Variants in FOCAD observed in about 807,000 individuals in gnomAD.
FOCAD encodes focadhesin.
FOCAD carries 198 observed loss-of-function variants against 225.6 expected under a neutral mutation model. The ratio of observed to expected loss-of-function variants is 0.88; its 90% confidence interval spans 0.78 to 0.99. The LOEUF (loss-of-function observed/expected upper bound fraction) is 0.99. Ranked by LOEUF, FOCAD falls within the 50% of genes least tolerant of loss-of-function variation. The pLI is 0.00. For synonymous variants in FOCAD, 897 were observed against 755.0 expected, an observed-to-expected ratio of 1.19 and a Z score of -3.08; for missense variants, 2,713 against 2,123.6, an observed-to-expected ratio of 1.28 and a Z score of -5.46.
chr9:20,663,822 T>A (rs1821814835), intron 2 of FOCAD, among the ~76,000 whole-genome samples: 1 of 152,362 alleles, frequency 6.6e-6, no homozygotes, highest in East Asian at 1.9e-4. Context: ...CCATCTCAAG[T>A]ATCCTTACAA....
At chr9:20,732,227 G>C (rs754767904) in intron 4 of FOCAD, among the ~76,000 whole-genome samples, 1 of 152,184 alleles carries the variant, frequency 6.6e-6, no homozygotes, top group Non-Finnish European at 1.5e-5. Flanking sequence ...TAATTGCCTA[G>C]TTATAGAAAC....
chr9:20,820,001 T>C lies in FOCAD; in HGVS notation c.1560+101T>C, dbSNP rs147018987. 2.9e-5 allele frequency: 19 copies of C among 650,966 alleles called. No individual in the cohort carries two copies. In the African/African-American group the frequency reaches 3.5e-4, roughly 12 times the overall value. 40.3% of individuals were successfully genotyped at this position (650,966 alleles called of 1,614,324 possible). ...AAATTTTAAGCCCTAAATTTTGCCA[T>C]AGTCACTACTTCTCTTGTTGAGCTA... On this transcript the variant is annotated intron_variant, in intron 12 of 43. Coordinates refer to ENST00000338382, the MANE Select transcript of FOCAD (RefSeq NM_001375567.1).
At chr9:20,920,772 A>G (rs182223471) in intron 24 of FOCAD, among the ~76,000 whole-genome samples, 3 of 151,114 alleles carry the variant, frequency 2.0e-5, no homozygotes, top group South Asian at 2.1e-4. Context: ...ATGAGAACAC[A>G]TGGACACAGG....
At chr9:20,693,773 C>G (rs541194027) in intron 1 of FOCAD, among the ~76,000 whole-genome samples, 2 of 152,286 alleles carry the variant, frequency 1.3e-5, no homozygotes, top group African/African-American at 4.8e-5. Flanking sequence ...TGCAGTGGCA[C>G]AATCTTGGCT....
In FOCAD at chr9:20,885,178, T is replaced by G; in HGVS notation, c.2573T>G (p.Met858Arg). The G allele has an allele frequency of 6.5e-7, 1 of 1,546,248 alleles. No homozygotes were observed. The highest frequency in any genetic ancestry group is 8.7e-7 in the Non-Finnish European group (1 of 1,143,558). The change falls in exon 21 of 44, where the codon ATG becomes AGG. Residue 858 changes from methionine (M) to arginine (R), a missense_variant. Transcript: ENST00000338382. ...GATGGAAAACCATTGAACAGACTGA[T>G]GGCCAGCAGAGGGCGAAGTTTCAAG... ...SKDGKPLNRLMASRGRSFKQT... is the reference protein window; with the variant it reads ...SKDGKPLNRLRASRGRSFKQT...
In FOCAD at chr9:20,965,362, A is replaced by G. The variant is rs77921716; in HGVS notation, c.4133-11058A>G. 8.8e-3 allele frequency among the ~76,000 whole-genome samples: 1,342 copies of G among 152,296 alleles called. 10 individuals are homozygous for G. Among genetic ancestry groups the G allele is most frequent in the Non-Finnish European group, 0.015 (1,032 of 68,024 alleles). On this transcript the variant is annotated intron_variant, in intron 35 of 43. Coordinates refer to ENST00000338382, the MANE Select transcript of FOCAD (RefSeq NM_001375567.1). ...GGATTCTTTGGTTTCACAGAAATCC[A>G]AAGACAGAAACTTTGTTTTTGGGAG...
chr9:20,660,291 A>G lies in FOCAD; in HGVS notation c.-78+1465A>G, dbSNP rs115413642. Among the ~76,000 whole-genome samples the G allele has an allele frequency of 3.4e-3, 524 of 152,344 alleles. 4 individuals carry two copies. The highest frequency in any genetic ancestry group is 0.012 in the African/African-American group (502 of 41,584). ...CCTTTGGATGTCACATATCCTTACA[A>G]TGACCTATGGTGTAGAAACTACTGT... On this transcript the variant is annotated intron_variant, in intron 2 of 45. Coordinates refer to the FOCAD transcript ENST00000380249.
rs1378639215 is a variant in FOCAD at position 20,765,079 on chromosome 9, G to T, written c.699+6G>T. ...ACATAGTTCCATGTTTGCAGGTAAG[G>T]TCTTTGTCCTCCTCCACAAATATAG... On this transcript the variant is annotated splice_donor_region_variant and intron_variant, in intron 7 of 43. Coordinates refer to ENST00000338382, the MANE Select transcript of FOCAD (RefSeq NM_001375567.1). 1 of 1,609,434 alleles carries T rather than the reference G, an allele frequency of 6.2e-7. No individual in the cohort carries two copies. Among genetic ancestry groups the T allele is most frequent in the East Asian group, 2.2e-5 (1 of 44,818 alleles).
chr9:20,664,656 T>TC (rs1438871820), intron 2 of FOCAD, among the ~76,000 whole-genome samples: 2 of 150,418 alleles, frequency 1.3e-5, no homozygotes, highest in African/African-American at 4.9e-5. Flanking sequence ...TTTTTTTTTT[T>TC]CTCATGGAGA....
intron 15 of FOCAD, among the ~76,000 whole-genome samples, chr9:20,839,784 T>C (rs986210692): frequency 3.3e-5 from 5 of 152,092 alleles, no homozygotes; most frequent in African/African-American, 1.2e-4. Context: ...CAAGCATTTA[T>C]CATTTCTTTG....
At chr9:20,876,664 A>G (rs1293317265) in intron 19 of FOCAD, among the ~76,000 whole-genome samples, 3 of 152,218 alleles carry the variant, frequency 2.0e-5, no homozygotes, top group African/African-American at 4.8e-5. Flanking sequence ...AACTGTCACC[A>G]TGGACATTTT....
At chr9:20,940,354 A>G (rs905471854) in intron 28 of FOCAD, among the ~76,000 whole-genome samples, 3 of 148,934 alleles carry the variant, frequency 2.0e-5, no homozygotes, top group African/African-American at 7.5e-5. Flanking sequence ...TACCACAATC[A>G]TGGCTTACTG....
intron 11 of FOCAD, among the ~76,000 whole-genome samples, chr9:20,798,394 A>G (rs959175838): frequency 6.6e-5 from 10 of 151,964 alleles, no homozygotes; most frequent in African/African-American, 1.2e-4. Flanking sequence ...CTCTTTTTCT[A>G]TTGATTGGAA....
intron 15 of FOCAD, among the ~76,000 whole-genome samples, chr9:20,834,401 A>G (rs887453164): frequency 6.6e-6 from 1 of 152,044 alleles, no homozygotes; most frequent in African/African-American, 2.4e-5. Flanking sequence ...GCACACGTTT[A>G]CTTACGTAGC....
intron 8 of FOCAD, among the ~76,000 whole-genome samples, chr9:20,774,189 G>A (rs1281901204): frequency 6.6e-6 from 1 of 152,018 alleles, no homozygotes; most frequent in Non-Finnish European, 1.5e-5. Context: ...ACCAGCCCCT[G>A]GTGCAAAAAA....
chr9:20,919,801 G>A lies in FOCAD; in HGVS notation c.2852+2864G>A, dbSNP rs561268051. On this transcript the variant is annotated intron_variant, in intron 24 of 43. Coordinates refer to ENST00000338382, the MANE Select transcript of FOCAD (RefSeq NM_001375567.1). ...TGGATCCCTTCCTTACACCTTATAC[G>A]AAAATTAATTCAAGATGGATTAAAG... Among the ~76,000 whole-genome samples, 565 of 152,064 alleles carry A rather than the reference G, an allele frequency of 3.7e-3. 4 individuals are homozygous for A. The highest frequency in any genetic ancestry group is 0.012 in the African/African-American group (517 of 41,480).
At chr9:20,805,200 C>T (rs1362945449) in intron 11 of FOCAD, among the ~76,000 whole-genome samples, 4 of 152,060 alleles carry the variant, frequency 2.6e-5, no homozygotes, top group East Asian at 1.9e-4. Flanking sequence ...AATGCATGTA[C>T]GGAGGATTAG....
chr9:20,656,245 T>A (rs1238472209), upstream of FOCAD, among the ~76,000 whole-genome samples: 55 of 151,486 alleles, frequency 3.6e-4, 3 homozygotes, highest in South Asian at 0.012. Flanking sequence ...GAAAAAAATG[T>A]ATATTCTGTT....
chr9:20,716,246 T>G (rs904331161), intron 2 of FOCAD: 3 of 372,116 alleles, frequency 8.1e-6, no homozygotes, highest in Admixed American at 4.2e-5. Flanking sequence ...GAGGATACTA[T>G]TCACAGTTTT....
Sources: gnomAD v4.1 joint callset for allele counts (sites outside exome capture counted in the v4.1 genomes callset) on GRCh38, gnomAD v4.1.1 for gene constraint, MANE v1.5 for transcripts, NCBI Gene and HGNC (gene_info 2026-07-23, HGNC 2026-07-21) for gene names.